The following GK5 variants were observed in gnomAD, a reference collection of about 807,000 sequenced individuals.
The protein encoded by GK5 is glycerol kinase 5, also known as ATP:glycerol 3-phosphotransferase 5.
Under a neutral mutation model 77.3 loss-of-function variants are expected in GK5, and 39 were observed. The ratio of observed to expected loss-of-function variants is 0.50; its 90% CI spans 0.39 to 0.66. The LOEUF (loss-of-function observed/expected upper bound fraction) is 0.66. GK5 is among the 30% of genes least tolerant of loss of function. The pLI, the probability that GK5 is intolerant of heterozygous loss-of-function variation, is 0.00. For synonymous variants in GK5, 211 were observed against 208.0 expected (o/e 1.01, Z -0.13); for missense variants, 487 against 633.8 (o/e 0.77, Z 2.49).
At chr3:142,180,592 G>T (rs909338921) in intron 11 of GK5, among the ~76,000 whole-genome samples, 1 of 152,072 alleles carries the variant, frequency 6.6e-6, no homozygotes, top group Non-Finnish European at 1.5e-5. Flanking sequence ...GTGAGCCACC[G>T]CGCCCAGCCT....
At position 142,225,362 on chromosome 3, in the gene GK5, G is replaced by A; in HGVS notation, c.94C>T (p.Arg32Cys). 6.3e-7 allele frequency: 1 copy of A among 1,581,330 alleles called. No individual in the cohort carries two copies. The highest frequency in any genetic ancestry group is 1.4e-5 in the African/African-American group (1 of 73,880). ...GCCGCCCGGTCATAGACGTGGCAGC[G>A]GATCACAGAACTGCCCACATCCAGC... ...LGLDVGSSVI[R>C]CHVYDRAARV... The change falls in exon 1 of 16, where the codon CGC (arginine) becomes TGC (cysteine). Residue 32 changes from arginine to cysteine, a missense_variant. This residue lies in a region of GK5 where 97 missense variants were observed against 86.9 expected (regional missense o/e 1.12). Transcript: ENST00000392993.
At chr3:142,192,295 C>T (rs1055279110) in intron 5 of GK5, among the ~76,000 whole-genome samples, 2 of 152,144 alleles carry the variant, frequency 1.3e-5, no homozygotes, top group Non-Finnish European at 2.9e-5. Context: ...TGGAGGATAG[C>T]TTGATAGTTC....
At chr3:142,170,297 C>CCACTTCACTTTG in intron 15 of GK5, 28 bp downstream of exon 15, 1 of 1,611,232 alleles carries the variant, frequency 6.2e-7, no homozygotes, top group African/African-American at 1.3e-5. Flanking sequence ...TGCAAGAAAA[C>CCACTTCACTTTG]TCTCATTCTT....
chr3:142,183,095 C>A, intron 9 of GK5, 46 bp from the exon 10 acceptor site: 1 of 1,570,544 alleles, frequency 6.4e-7, no homozygotes, highest in Non-Finnish European at 8.7e-7. Context: ...TAACAGTGGC[C>A]AATTTTATTA....
intron 13 of GK5, 34 bp downstream of exon 13, chr3:142,172,318 AT>A (rs2063549822): frequency 1.0e-6 from 1 of 967,726 alleles, no homozygotes; most frequent in Non-Finnish European, 1.6e-6. Context: ...GCAATATTCT[AT>A]GGGGAAGGGG....
chr3:142,208,810 A>T (rs1431740362), intron 3 of GK5, among the ~76,000 whole-genome samples: 5 of 152,216 alleles, frequency 3.3e-5, no homozygotes, highest in Non-Finnish European at 7.3e-5. Flanking sequence ...GTAAACAAAT[A>T]ATCAATTACT....
chr3:142,222,757 G>A (rs963180150), intron 1 of GK5, among the ~76,000 whole-genome samples: 1 of 151,952 alleles, frequency 6.6e-6, no homozygotes, highest in Non-Finnish European at 1.5e-5. Flanking sequence ...GTTAGAATCT[G>A]TCTCTAAAAA....
chr3:142,185,154 T>C (rs2063751465), intron 9 of GK5: 1 of 975,926 alleles, frequency 1.0e-6, no homozygotes, highest in Non-Finnish European at 1.2e-6. Flanking sequence ...GACTCATGCC[T>C]GTAGTCCCAG....
At chr3:142,183,890 T>C (rs764474507) in intron 9 of GK5, among the ~76,000 whole-genome samples, 1 of 152,096 alleles carries the variant, frequency 6.6e-6, no homozygotes, top group Non-Finnish European at 1.5e-5. Flanking sequence ...TGAACCACCA[T>C]GCCCGGCCTG....
intron 12 of GK5, among the ~76,000 whole-genome samples, chr3:142,176,731 G>A (rs192930410): frequency 0.024 from 2,956 of 123,018 alleles, 117 homozygotes; most frequent in African/African-American, 0.094. Context: ...GTGGCATCTC[G>A]GCTCACTGCA....
chr3:142,182,767 G>A (rs1403575850), intron 10 of GK5, among the ~76,000 whole-genome samples, 156 bp downstream of exon 10: 1 of 151,992 alleles, frequency 6.6e-6, no homozygotes, highest in African/African-American at 2.4e-5. Context: ...TTCACTTAAA[G>A]GGAAAAGAAA....
intron 14 of GK5, among the ~76,000 whole-genome samples, chr3:142,170,756 A>T (rs2063525855): frequency 6.6e-6 from 1 of 151,658 alleles, no homozygotes; most frequent in East Asian, 1.9e-4. Context: ...GATATTACAG[A>T]AAAGAAAGTC....
intron 5 of GK5, among the ~76,000 whole-genome samples, chr3:142,190,925 C>CA (rs531273585): frequency 3.0e-4 from 46 of 151,846 alleles, no homozygotes; most frequent in African/African-American, 1.1e-3. Flanking sequence ...ACATCCTTTG[C>CA]AAAAAAAGCT....
In GK5 at chr3:142,186,455, A is replaced by T; in HGVS notation, c.678T>A (p.Tyr226Ter). ...NASTTGLFDP[Y>*]KMCWSGMITS... is the part of the protein sequence containing the mutation. ...AAGAAGAAAAAAAAATTTTTACCTT[A>T]TATGGGTCAAAAAGTCCAGTTGTAC... The change falls in exon 7 of 16, where the codon TAT becomes TAA. Residue 226 changes from tyrosine to a stop codon, truncating the protein, a stop_gained. Transcript: ENST00000392993. LOFTEE classifies it high-confidence loss of function. The T allele has an allele frequency of 6.5e-7, 1 of 1,542,622 alleles. No individual in the cohort carries two copies. Among genetic ancestry groups the T allele is most frequent in the Non-Finnish European group, 8.8e-7 (1 of 1,138,580 alleles).
intron 3 of GK5, among the ~76,000 whole-genome samples, chr3:142,205,666 C>T (rs1014994899): frequency 6.6e-6 from 1 of 152,188 alleles, no homozygotes; most frequent in Admixed American, 6.5e-5. Flanking sequence ...CTAACTTTGG[C>T]TACTTTCCCA....
intron 3 of GK5, among the ~76,000 whole-genome samples, chr3:142,207,449 T>C (rs1200888669): frequency 1.3e-5 from 2 of 152,212 alleles, no homozygotes; most frequent in African/African-American, 2.4e-5. Flanking sequence ...TATGGAAAGA[T>C]TGTGTTTCTG....
rs759878859 is a variant in GK5 at position 142,186,510 on chromosome 3, G to T, written c.623C>A (p.Ser208Tyr). Residue 208 changes from serine (S) to tyrosine (Y), a missense_variant, in exon 7 of 16, where the codon TCT (serine) becomes TAT (tyrosine). Physicochemically the swap from Ser to Tyr is moderately radical, Grantham distance 144. Coordinates refer to ENST00000392993, the MANE Select transcript of GK5 (RefSeq NM_001039547.3). ...TWLLYKLTKG[S>Y]VYATDFSNAS... ...ATTTGAAAAATCTGTGGCATATACA[G>T]AACCTAAATTTAAATAGGAAATAAT... 2.7e-6 allele frequency: 4 copies of T among 1,498,260 alleles called. No individual in the cohort carries two copies. The African/African-American group carries it at 5.6e-5, about 21-fold the overall frequency. The allele number at this position is 1,498,260 out of a possible 1,614,324, so 92.8% of individuals were successfully genotyped here.
At chr3:142,206,304 T>G (rs2064106184) in intron 3 of GK5, among the ~76,000 whole-genome samples, 1 of 152,218 alleles carries the variant, frequency 6.6e-6, no homozygotes, top group African/African-American at 2.4e-5. Context: ...GGTCATATAG[T>G]AATTCTATGT....
chr3:142,191,954 T>C (rs932044368), intron 5 of GK5, among the ~76,000 whole-genome samples: 1 of 152,052 alleles, frequency 6.6e-6, no homozygotes, highest in East Asian at 1.9e-4. Flanking sequence ...GCCACGATCA[T>C]GCCACTGCAC....
Sources: allele counts gnomAD v4.1 joint callset (sites outside exome capture counted in the v4.1 genomes callset), GRCh38; gene constraint gnomAD v4.1.1; regional missense constraint gnomAD v4.1.1; transcripts MANE v1.5; gene names NCBI Gene and HGNC (gene_info 2026-07-23, HGNC 2026-07-21).